SAMD5: variants seen among roughly 807,000 people sequenced by gnomAD.
The protein encoded by SAMD5 is sterile alpha motif domain-containing protein 5.
Under a neutral mutation model 11.3 loss-of-function variants are expected in SAMD5, and 13 were observed. That is an observed-to-expected ratio of 1.15 (90% CI 0.75 to 1.83). The LOEUF (loss-of-function observed/expected upper bound fraction) is 1.83, where lower values mean the gene tolerates loss of function less well. Among genes scored for constraint, SAMD5 ranks in the 40% most tolerant of loss-of-function variants. The pLI, the probability that SAMD5 is intolerant of heterozygous loss-of-function variation, is 0.00. For synonymous variants in SAMD5, 129 were observed against 111.3 expected, an observed-to-expected ratio of 1.16 and a Z score of -1.00; for missense variants, 255 against 239.1, an observed-to-expected ratio of 1.07 and a Z score of -0.44.
the SAMD5 span, among the ~76,000 whole-genome samples, chr6:147,948,294 C>T: frequency 6.8e-6 from 1 of 146,766 alleles, no homozygotes; most frequent in African/African-American, 2.5e-5. Flanking sequence ...AAAAAAAACA[C>T]GAATCATTTG....
At chr6:147,594,395 G>A (rs1348453609) in intron 1 of SAMD5, among the ~76,000 whole-genome samples, 1 of 152,030 alleles carries the variant, frequency 6.6e-6, no homozygotes, top group East Asian at 1.9e-4. Flanking sequence ...GAAGATTGAA[G>A]GTAAAATGAG....
chr6:147,778,244 C>A, the SAMD5 span, among the ~76,000 whole-genome samples: 1 of 152,146 alleles, frequency 6.6e-6, no homozygotes, highest in Non-Finnish European at 1.5e-5. Context: ...TCCCTGTCTT[C>A]CCTTTCCCAT....
At position 147,509,108 on chromosome 6, in the gene SAMD5, C is replaced by T. The variant is rs771768538; in HGVS notation, c.180C>T (p.Arg60=). The change falls in exon 1 of 2, where the codon CGC becomes CGT. Residue 60 remains arginine (R), a synonymous_variant. Coordinates refer to ENST00000367474, the MANE Select transcript of SAMD5 (RefSeq NM_001030060.3). ...AHRRRILEAV[R]RLREQDANAA... is the part of the protein sequence containing the mutation. ...GCCGCCGTATCCTGGAGGCCGTGCG[C>T]CGGCTGCGGGAGCAGGACGCCAACG... 3.8e-6 allele frequency: 6 copies of T among 1,585,856 alleles called. No individual in the cohort carries two copies. The highest frequency in any genetic ancestry group is 4.3e-6 in the Non-Finnish European group (5 of 1,168,080).
At chr6:147,646,697 C>A (rs534412221) in intron 1 of SAMD5, among the ~76,000 whole-genome samples, 1 of 152,256 alleles carries the variant, frequency 6.6e-6, no homozygotes, top group Admixed American at 6.5e-5. Context: ...GAAAAAACTG[C>A]ATTTCTTATC....
chr6:147,776,917 A>G, the SAMD5 span, among the ~76,000 whole-genome samples: 1 of 152,206 alleles, frequency 6.6e-6, no homozygotes, highest in African/African-American at 2.4e-5. Flanking sequence ...AACATCACAC[A>G]GATATGTAAT....
At chr6:147,685,896 T>A in intron 1 of SAMD5, among the ~76,000 whole-genome samples, 1 of 152,226 alleles carries the variant, frequency 6.6e-6, no homozygotes. Context: ...CATAGGTCAC[T>A]GATCCTGATG....
At chr6:147,914,486 C>T in the SAMD5 span, among the ~76,000 whole-genome samples, 3 of 152,086 alleles carry the variant, frequency 2.0e-5, no homozygotes, top group African/African-American at 4.8e-5. Context: ...TCATGCCTCC[C>T]TGTCAATAAT....
At chr6:147,578,991 AT>A (rs1372532427) in intron 1 of SAMD5, among the ~76,000 whole-genome samples, 4 of 152,250 alleles carry the variant, frequency 2.6e-5, no homozygotes, top group Non-Finnish European at 5.9e-5. Context: ...GGTGTTAGCT[AT>A]CATCATCATA....
chr6:147,648,200 T>C (rs1790432814), intron 1 of SAMD5, among the ~76,000 whole-genome samples: 1 of 152,172 alleles, frequency 6.6e-6, no homozygotes. Flanking sequence ...GTGTTCAGCA[T>C]GGCGAGGGAG....
chr6:147,783,698 C>T, the SAMD5 span, among the ~76,000 whole-genome samples: 1 of 152,122 alleles, frequency 6.6e-6, no homozygotes, highest in Non-Finnish European at 1.5e-5. Flanking sequence ...CATGCCTGGC[C>T]AGAAAATACG....
chr6:147,804,102 T>C, the SAMD5 span, among the ~76,000 whole-genome samples: 1 of 150,064 alleles, frequency 6.7e-6, no homozygotes, highest in Non-Finnish European at 1.5e-5. Context: ...TTTCTTATTT[T>C]GAAGATATCT....
At chr6:147,831,440 C>T in the SAMD5 span, among the ~76,000 whole-genome samples, 4 of 152,162 alleles carry the variant, frequency 2.6e-5, no homozygotes, top group Non-Finnish European at 4.4e-5. Context: ...TTTCTCCCAA[C>T]ATAACATCTC....
In SAMD5 at chr6:147,523,621, AG is replaced by A. The variant is rs1788289520; in HGVS notation, c.459+14235del. On this transcript the variant is annotated intron_variant, in intron 1 of 1. Transcript: ENST00000367474. Reference sequence around the variant, plus strand: ...AAATAGTACTGTGTTAAGTAGCAGCAGTATTTTCATGGCCAGAAAGTAATAA... The same window carrying A: ...AAATAGTACTGTGTTAAGTAGCAGCATATTTTCATGGCCAGAAAGTAATAA... Among the ~76,000 whole-genome samples the A allele has an allele frequency of 3.3e-5, 5 of 152,362 alleles. No homozygotes were observed. In the South Asian group the frequency reaches 1.0e-3, roughly 32 times the overall value.
At chr6:147,752,963 G>A in the SAMD5 span, among the ~76,000 whole-genome samples, 1 of 152,212 alleles carries the variant, frequency 6.6e-6, no homozygotes, top group Non-Finnish European at 1.5e-5. Context: ...GAAGCAATTT[G>A]TGGGTGACTG....
At chr6:147,679,135 G>A (rs558755877) in intron 1 of SAMD5, among the ~76,000 whole-genome samples, 2 of 152,064 alleles carry the variant, frequency 1.3e-5, no homozygotes, top group African/African-American at 4.8e-5. Context: ...GAATATTTAT[G>A]TACACATTTT....
intron 1 of SAMD5, among the ~76,000 whole-genome samples, chr6:147,640,380 C>T (rs1321274852): frequency 1.3e-5 from 2 of 149,402 alleles, no homozygotes; most frequent in Non-Finnish European, 3.0e-5. Context: ...ACCTGTAATC[C>T]CAGCTACTCC....
At chr6:147,701,246 C>T (rs563608487) in intron 1 of SAMD5, among the ~76,000 whole-genome samples, 1 of 152,136 alleles carries the variant, frequency 6.6e-6, no homozygotes, top group South Asian at 2.1e-4. Context: ...TTTGTAAGTA[C>T]TGATATAAGC....
the SAMD5 span, among the ~76,000 whole-genome samples, chr6:147,851,957 T>C: frequency 1.3e-5 from 2 of 152,222 alleles, no homozygotes; most frequent in Non-Finnish European, 2.9e-5. Flanking sequence ...TAAATCATGA[T>C]GTAGTTTTAC....
chr6:147,610,787 G>A (rs1304691723), intron 1 of SAMD5, among the ~76,000 whole-genome samples: 1 of 152,042 alleles, frequency 6.6e-6, no homozygotes, highest in Non-Finnish European at 1.5e-5. Context: ...ATTTGGGGTT[G>A]AGCCCAGGAG....
Sources: allele counts gnomAD v4.1 joint callset (sites outside exome capture counted in the v4.1 genomes callset), GRCh38; gene constraint gnomAD v4.1.1; transcripts MANE v1.5; gene names NCBI Gene and HGNC (gene_info 2026-07-23, HGNC 2026-07-21).